The following MACROH2A2 variants were observed in gnomAD, a reference collection of about 807,000 sequenced individuals.
The protein encoded by MACROH2A2 is core histone macro-H2A.2.
In MACROH2A2, 6 loss-of-function variants were observed where a neutral mutation model predicts 37.6. That is an observed-to-expected ratio of 0.16 (90% CI 0.09 to 0.32). The LOEUF (loss-of-function observed/expected upper bound fraction) is 0.32. Ranked by LOEUF, MACROH2A2 falls within the 10% of genes least tolerant of loss-of-function variation. The pLI is 1.00. For missense variants in MACROH2A2, 290 were observed against 485.9 expected (o/e 0.60, Z 3.79); for synonymous variants, 192 against 202.7 (o/e 0.95, Z 0.45).
intron 2 of MACROH2A2, among the ~76,000 whole-genome samples, chr10:70,076,480 T>G (rs1375668642): frequency 6.6e-6 from 1 of 152,326 alleles, no homozygotes; most frequent in Admixed American, 6.5e-5. Context: ...CTTAGTAACT[T>G]TCTCTTTAGC....
At chr10:70,093,693 T>G (rs962567845) in intron 4 of MACROH2A2, 42 bp from the exon 5 acceptor site, 1 of 1,108,458 alleles carries the variant, frequency 9.0e-7, no homozygotes, top group South Asian at 1.3e-5. Flanking sequence ...TCAGGCTTTT[T>G]CTGGATTGGT....
At chr10:70,085,554 G>A (rs773428055) in intron 2 of MACROH2A2, among the ~76,000 whole-genome samples, 7 of 152,216 alleles carry the variant, frequency 4.6e-5, no homozygotes, top group Admixed American at 3.3e-4. Flanking sequence ...CCCATCTTCT[G>A]TGGGCTGGAA....
chr10:70,083,124 G>A (rs75306816), intron 2 of MACROH2A2, among the ~76,000 whole-genome samples: 2,922 of 152,212 alleles, frequency 0.019, 105 homozygotes, highest in African/African-American at 0.067. Flanking sequence ...CAAGGAGCCT[G>A]GTGGGAAAGC....
intron 1 of MACROH2A2, among the ~76,000 whole-genome samples, chr10:70,057,324 C>G (rs188930980): frequency 7.9e-6 from 1 of 126,920 alleles, no homozygotes; most frequent in African/African-American, 3.0e-5. Context: ...CCTTCCAAGC[C>G]ATTCCTTTCA....
chr10:70,090,069 T>C lies in MACROH2A2; in HGVS notation c.182T>C (p.Leu61Pro). The change falls in exon 3 of 9, where the codon CTA (leucine) becomes CCA (proline). Residue 61 changes from leucine (L) to proline (P), a missense_variant. Around this residue, in one of 3 missense-constraint regions of MACROH2A2, gnomAD observed 83 missense variants for 159.9 expected, o/e 0.52. Transcript: ENST00000373255. ...AVIEYLAAEI[L>P]ELAGNAARDN... ...CTCCTTGTGATTTCAGCGGAAATTC[T>C]AGAATTGGCCGGCAATGCCGCGAGG... is the stretch of plus-strand genomic sequence containing the variant. 1 of 1,612,022 alleles carries C rather than the reference T, an allele frequency of 6.2e-7. No homozygotes were observed. The highest frequency in any genetic ancestry group is 8.5e-7 in the Non-Finnish European group (1 of 1,178,034).
chr10:70,060,828 T>G (rs1368266007), intron 1 of MACROH2A2, among the ~76,000 whole-genome samples: 1 of 151,968 alleles, frequency 6.6e-6, no homozygotes, highest in Non-Finnish European at 1.5e-5. Flanking sequence ...TAAAAGAAAA[T>G]CTTGGTCAAG....
At chr10:70,089,607 A>G (rs1223731815) in intron 2 of MACROH2A2, among the ~76,000 whole-genome samples, 1 of 152,198 alleles carries the variant, frequency 6.6e-6, no homozygotes, top group East Asian at 1.9e-4. Context: ...AAAAAAAATC[A>G]GAAGTCCTGT....
intron 2 of MACROH2A2, among the ~76,000 whole-genome samples, chr10:70,086,293 GAA>G (rs56120002): frequency 0.18 from 23,448 of 133,482 alleles, 1,919 homozygotes; most frequent in East Asian, 0.26. Flanking sequence ...TCTCTCTAAG[GAA>G]AAAAAAAAAA....
chr10:70,087,227 TTC>T, intron 2 of MACROH2A2, among the ~76,000 whole-genome samples: 1 of 149,578 alleles, frequency 6.7e-6, no homozygotes, highest in Non-Finnish European at 1.5e-5. Context: ...CCATTTTCTT[TTC>T]TTTCTTCTTT....
chr10:70,069,221 G>C (rs900127728), intron 1 of MACROH2A2, among the ~76,000 whole-genome samples: 2 of 152,166 alleles, frequency 1.3e-5, no homozygotes, highest in African/African-American at 4.8e-5. Context: ...TGAAACAACA[G>C]AGTCTGAATA....
intron 3 of MACROH2A2, among the ~76,000 whole-genome samples, chr10:70,091,092 AG>A (rs1193095445): frequency 6.6e-6 from 1 of 152,240 alleles, no homozygotes; most frequent in Non-Finnish European, 1.5e-5. Context: ...AACTGGGTCT[AG>A]TCTTTGCAAT....
At chr10:70,092,055 C>A in intron 4 of MACROH2A2, 101 bp downstream of exon 4, 2 of 904,830 alleles carry the variant, frequency 2.2e-6, no homozygotes, top group South Asian at 1.6e-5. Flanking sequence ...ACCCCAGAGG[C>A]ATAGGATTAC....
At position 70,091,907 on chromosome 10, in the gene MACROH2A2, A is replaced by C; in HGVS notation, c.430A>C (p.Lys144Gln). Residue 144 changes from lysine to glutamine, a missense_variant, in exon 4 of 9, where the codon AAG (lysine) becomes CAG (glutamine). Around this residue, in one of 3 missense-constraint regions of MACROH2A2, gnomAD observed 77 missense variants for 68.9 expected, o/e 1.12. Transcript: ENST00000373255. Reference protein sequence around the residue: ...KRGRKATSGKKGGKKSKAAKP... With the variant: ...KRGRKATSGKQGGKKSKAAKP... ...AGGCAGGAAGGCCACGTCAGGCAAGAAGGGGGGGAAGAAATCCAAGGCTGC... is the reference window on the plus strand; with the variant it reads ...AGGCAGGAAGGCCACGTCAGGCAAGCAGGGGGGGAAGAAATCCAAGGCTGC... The C allele has an allele frequency of 6.2e-7, 1 of 1,614,022 alleles. No homozygotes were observed. The highest frequency in any genetic ancestry group is 8.5e-7 in the Non-Finnish European group (1 of 1,180,008).
intron 2 of MACROH2A2, among the ~76,000 whole-genome samples, chr10:70,088,858 C>G (rs960275184): frequency 6.6e-6 from 1 of 152,200 alleles, no homozygotes; most frequent in Admixed American, 6.5e-5. Context: ...AATCCCAGCA[C>G]TTTGGGAGGC....
Position 70,091,811 on chromosome 10 carries a change from G to A in MACROH2A2, c.334G>A (p.Glu112Lys). 5 of 1,613,966 alleles carry A rather than the reference G, an allele frequency of 3.1e-6. No homozygotes were observed. The highest frequency in any genetic ancestry group is 1.1e-5 in the South Asian group (1 of 91,070). ...SGGVLPRIHPELLAKKRGTKG... is the reference protein window; with the variant it reads ...SGGVLPRIHPKLLAKKRGTKG... ...AGGCGTCCTGCCCAGAATTCACCCC[G>A]AACTGCTGGCCAAAAAGCGAGGGAC... Residue 112 changes from glutamate (E) to lysine (K), a missense_variant, in exon 4 of 9, where the codon GAA becomes AAA. Physicochemically the swap from Glu to Lys is moderately conservative, Grantham distance 56. This residue lies in a region of MACROH2A2 where 83 missense variants were observed against 159.9 expected (regional missense o/e 0.52). Coordinates refer to ENST00000373255, the MANE Select transcript of MACROH2A2 (RefSeq NM_018649.3).
At chr10:70,102,950 G>A (rs772421403) in intron 7 of MACROH2A2, among the ~76,000 whole-genome samples, 4 of 151,784 alleles carry the variant, frequency 2.6e-5, no homozygotes, top group Non-Finnish European at 5.9e-5. Flanking sequence ...CCCAGGCCTC[G>A]GCTCCAGGTC....
At chr10:70,105,841 G>A (rs1048026976) in intron 7 of MACROH2A2, among the ~76,000 whole-genome samples, 4 of 152,120 alleles carry the variant, frequency 2.6e-5, no homozygotes, top group African/African-American at 4.8e-5. Context: ...AAGGGGAATC[G>A]GGTTTCAGGA....
At chr10:70,082,679 A>G (rs1451253560) in intron 2 of MACROH2A2, among the ~76,000 whole-genome samples, 1 of 152,244 alleles carries the variant, frequency 6.6e-6, no homozygotes, top group Non-Finnish European at 1.5e-5. Flanking sequence ...TATGCATGTG[A>G]AGGATGGCAG....
rs528536863 is a variant in MACROH2A2, at chr10:70,070,170, T to C, written c.-59-5430T>C. On this transcript the variant is annotated intron_variant, in intron 1 of 8. Transcript: ENST00000373255. ...GGAGATAGGTGCCTGGCTGCTTAAA[T>C]TCCGCACAAGACCTGAAAAGATGGG... Among the ~76,000 whole-genome samples, 18 of 152,230 alleles carry C rather than the reference T, an allele frequency of 1.2e-4. No homozygotes were observed. The East Asian group carries it at 3.5e-3, about 29-fold the overall frequency.
Sources: allele counts gnomAD v4.1 joint callset (sites outside exome capture counted in the v4.1 genomes callset), GRCh38; gene constraint gnomAD v4.1.1; regional missense constraint gnomAD v4.1.1; transcripts MANE v1.5; gene names NCBI Gene and HGNC (gene_info 2026-07-23, HGNC 2026-07-21).